The following PIK3C2A variants were observed in gnomAD, a reference collection of about 807,000 sequenced individuals.
PIK3C2A encodes the protein phosphatidylinositol 4-phosphate 3-kinase C2 domain-containing subunit alpha.
In PIK3C2A, 97 loss-of-function variants were observed where a neutral mutation model predicts 204.5. The ratio of observed to expected loss-of-function variants is 0.47; its 90% CI spans 0.40 to 0.56. PIK3C2A has a LOEUF of 0.56. Ranked by LOEUF, PIK3C2A falls within the 20% of genes least tolerant of loss-of-function variation. The pLI, the probability that PIK3C2A is intolerant of heterozygous loss-of-function variation, is 0.00. For synonymous variants in PIK3C2A, 653 were observed against 664.4 expected (o/e 0.98, Z 0.26); for missense variants, 1,735 against 1,969.2 (o/e 0.88, Z 2.25).
chr11:17,125,831 C>T (rs1426084838), intron 13 of PIK3C2A, among the ~76,000 whole-genome samples: 2 of 151,656 alleles, frequency 1.3e-5, no homozygotes, highest in Non-Finnish European at 2.9e-5. Context: ...AAAACTTTGT[C>T]ATATCAATTA....
At chr11:17,149,456 G>A (rs1030538744) in intron 4 of PIK3C2A, among the ~76,000 whole-genome samples, 4 of 152,156 alleles carry the variant, frequency 2.6e-5, no homozygotes, top group African/African-American at 7.2e-5. Context: ...TTTGGTATCT[G>A]AAGGGGGTCC....
chr11:17,128,871 A>T (rs1368736211), intron 13 of PIK3C2A, among the ~76,000 whole-genome samples: 1 of 152,354 alleles, frequency 6.6e-6, no homozygotes, highest in East Asian at 1.9e-4. Context: ...ATAGATTAGT[A>T]AAGAGAATTA....
rs527980045 is a variant in PIK3C2A, at chr11:17,101,790, A to G, written c.3852-356T>C. Among the ~76,000 whole-genome samples, 30 of 151,716 alleles carry G rather than the reference A, an allele frequency of 2.0e-4. No individual in the cohort carries two copies. In the East Asian group the frequency reaches 5.5e-3, roughly 28 times the overall value. ...GGCTAATTTTTTGTATTTTTAGTAGAGGCGGGGTTTCACCGTGTTAGCCAG... is the reference window on the plus strand; with the variant it reads ...GGCTAATTTTTTGTATTTTTAGTAGGGGCGGGGTTTCACCGTGTTAGCCAG... On this transcript the variant is annotated intron_variant, in intron 24 of 32. Transcript: ENST00000691414.
chr11:17,162,294 T>C (rs1320647304), intron 2 of PIK3C2A, among the ~76,000 whole-genome samples: 9 of 151,018 alleles, frequency 6.0e-5, no homozygotes, highest in Admixed American at 5.3e-4. Flanking sequence ...TGAGCCAAGA[T>C]TGCATCACTG....
chr11:17,132,399 G>A (rs61762013), intron 11 of PIK3C2A, among the ~76,000 whole-genome samples: 3 of 147,024 alleles, frequency 2.0e-5, no homozygotes, highest in Admixed American at 7.0e-5. Flanking sequence ...GCGCAATCTC[G>A]GCTCACTGCA....
At position 17,147,504 on chromosome 11, in the gene PIK3C2A, G is replaced by A. The variant is rs775496313; in HGVS notation, c.1560+13C>T. On this transcript the variant is annotated intron_variant, in intron 6 of 32. Transcript: ENST00000691414. ...TCAAACAAATGGAATTCAGTTATGA[G>A]GTACACACTTACTGTTCGGGCCAGA... 4.4e-6 allele frequency: 6 copies of A among 1,356,288 alleles called. No homozygotes were observed. The South Asian group carries it at 7.0e-5, about 16-fold the overall frequency. The allele number at this position is 1,356,288 out of a possible 1,614,324, so 84.0% of individuals were successfully genotyped here. A position where few individuals can be genotyped will look rare whatever the true frequency, so the allele number is the denominator to read the frequency against.
intron 8 of PIK3C2A, among the ~76,000 whole-genome samples, 154 bp from the exon 9 acceptor site, chr11:17,136,779 T>C (rs982266360): frequency 3.3e-5 from 5 of 152,244 alleles, no homozygotes; most frequent in Non-Finnish European, 5.9e-5. Context: ...TTCAATTGTA[T>C]AGTTTATTTC....
chr11:17,155,466 C>A, intron 3 of PIK3C2A, 60 bp downstream of exon 3: 2 of 859,260 alleles, frequency 2.3e-6, no homozygotes, highest in South Asian at 1.7e-5. Context: ...GAATTATTAG[C>A]ACTAAACTGG....
In PIK3C2A at chr11:17,168,741, G is replaced by C. The variant is rs1305518375; in HGVS notation, c.1001C>G (p.Thr334Arg). ...TCGAATATTTAAAGACTGGCTTCTT[G>C]TAACAGTTGCCACAGAAAGGGATTT... is the stretch of plus-strand genomic sequence containing the variant. ...NGKSLSVATV[T>R]RSQSLNIRTT... Residue 334 changes from threonine to arginine, a missense_variant, in exon 2 of 33, where the codon ACA (threonine) becomes AGA (arginine). Thr to Arg is a moderately conservative substitution (Grantham distance 71). Around this residue, in one of 6 missense-constraint regions of PIK3C2A, gnomAD observed 536 missense variants for 546.7 expected, o/e 0.98. Transcript: ENST00000691414. 3 of 1,612,874 alleles carry C rather than the reference G, an allele frequency of 1.9e-6. No homozygotes were observed. The highest frequency in any genetic ancestry group is 2.2e-5 in the East Asian group (1 of 44,876).
chr11:17,134,197 G>C (rs1413510460), intron 11 of PIK3C2A, among the ~76,000 whole-genome samples: 1 of 152,050 alleles, frequency 6.6e-6, no homozygotes, highest in Non-Finnish European at 1.5e-5. Context: ...GCTAGATAAA[G>C]CTGCACATAT....
In PIK3C2A at chr11:17,117,481, G is replaced by T; in HGVS notation, c.3216+10C>A. 1 of 1,575,322 alleles carries T rather than the reference G, an allele frequency of 6.3e-7. No individual in the cohort carries two copies. Among genetic ancestry groups the T allele is most frequent in the Non-Finnish European group, 8.7e-7 (1 of 1,150,516 alleles). On this transcript the variant is annotated intron_variant, in intron 19 of 32. Transcript: ENST00000691414. ...TTAACACATTTATATTACCTTTTAT[G>T]GGTACATACCTGTCTGGCTGATCCA...
rs770285245 is a variant in PIK3C2A at position 17,119,804 on chromosome 11, A to G, written c.2828T>C (p.Leu943Ser). The stretch of plus-strand genomic sequence containing the variant: ...GACTTACTTTGAATCAAGAAGTTCC[A>G]ATGCAATTAGTGGGTACAATGCAGG... Reference protein sequence around the residue: ...QWPALYPLIALELLDSKFADQ... With the variant: ...QWPALYPLIASELLDSKFADQ... Residue 943 changes from leucine (L) to serine (S), a missense_variant, in exon 16 of 33, where the codon TTG becomes TCG. Transcript: ENST00000691414. 1.9e-6 allele frequency: 3 copies of G among 1,553,098 alleles called. No homozygotes were observed. The highest frequency in any genetic ancestry group is 2.6e-6 in the Non-Finnish European group (3 of 1,155,484).
chr11:17,107,085 G>A (rs1469466275), intron 22 of PIK3C2A, among the ~76,000 whole-genome samples: 4 of 152,090 alleles, frequency 2.6e-5, no homozygotes, highest in African/African-American at 9.7e-5. Flanking sequence ...AGGCCGAGGC[G>A]GGCAGATCAC....
intron 1 of PIK3C2A, among the ~76,000 whole-genome samples, chr11:17,171,296 T>TAATCTATTAATCTATAATCTAATAAA (rs1851150450): frequency 6.6e-6 from 1 of 152,194 alleles, no homozygotes; most frequent in African/African-American, 2.4e-5. Context: ...ATTAATCTAA[T>TAATCTATTAATCTATAATCTAATAAA]CTGGTTTGTG....
At chr11:17,110,896 ATTAT>A (rs539022518) in intron 21 of PIK3C2A, among the ~76,000 whole-genome samples, 26 of 152,026 alleles carry the variant, frequency 1.7e-4, no homozygotes, top group Non-Finnish European at 3.2e-4. Flanking sequence ...ATTATATTCA[ATTAT>A]TTATTTATTT....
At chr11:17,179,652 A>G (rs554095607) in intron 1 of PIK3C2A, among the ~76,000 whole-genome samples, 1 of 152,288 alleles carries the variant, frequency 6.6e-6, no homozygotes, top group South Asian at 2.1e-4. Context: ...GTCTCACTCT[A>G]TCACTGAAGC....
intron 1 of PIK3C2A, among the ~76,000 whole-genome samples, chr11:17,182,019 G>A (rs1851585344): frequency 6.6e-6 from 1 of 151,226 alleles, no homozygotes; most frequent in African/African-American, 2.4e-5. Context: ...TTGAACCTGG[G>A]AAATGGAGGT....
intron 15 of PIK3C2A, among the ~76,000 whole-genome samples, chr11:17,121,015 G>T (rs542184182): frequency 6.6e-6 from 1 of 152,136 alleles, no homozygotes; most frequent in Non-Finnish European, 1.5e-5. Flanking sequence ...ACCACGTTCA[G>T]CCTACAATCT....
chr11:17,116,678 C>T (rs1849204388), intron 19 of PIK3C2A, among the ~76,000 whole-genome samples: 1 of 152,050 alleles, frequency 6.6e-6, no homozygotes. Flanking sequence ...CAAGCTCCGC[C>T]TCCCGGGTTC....
Sources: gnomAD v4.1 joint callset for allele counts (sites outside exome capture counted in the v4.1 genomes callset) on GRCh38, gnomAD v4.1.1 for gene constraint, gnomAD v4.1.1 regional missense constraint, MANE v1.5 for transcripts, NCBI Gene and HGNC (gene_info 2026-07-23, HGNC 2026-07-21) for gene names.